Variants in FNDC3A observed in about 807,000 individuals in gnomAD.
FNDC3A encodes fibronectin type-III domain-containing protein 3A.
A neutral mutation model predicts 148.9 loss-of-function variants in FNDC3A; 32 were observed. That is an observed-to-expected ratio of 0.21 (90% CI 0.16 to 0.29). FNDC3A has a LOEUF of 0.29. FNDC3A is among the 10% of genes least tolerant of loss of function. The pLI is 1.00. For missense variants in FNDC3A, 1,191 were observed against 1,452.8 expected (o/e 0.82, Z 2.93); for synonymous variants, 472 against 473.6 (o/e 1.00, Z 0.04).
In FNDC3A at chr13:49,011,200, C is replaced by A. The variant is rs183522109; in HGVS notation, c.99+4911C>A. Among the ~76,000 whole-genome samples the A allele has an allele frequency of 1.6e-3, 244 of 151,742 alleles. 1 individual carries two copies. Among genetic ancestry groups the A allele is most frequent in the African/African-American group, 5.7e-3 (234 of 41,406 alleles). On this transcript the variant is annotated intron_variant, in intron 2 of 25. Transcript: ENST00000492622. ...AGTGTAGTGAATATTCTCTCCTGTT[C>A]CCCTGTTCTGGTTGTCTTTTCACTC...
chr13:49,110,565 T>C (rs1593602696), intron 3 of FNDC3A, among the ~76,000 whole-genome samples: 1 of 152,222 alleles, frequency 6.6e-6, no homozygotes. Context: ...GGTTAGACTA[T>C]GTAGAGTTAT....
At chr13:49,007,898 G>A (rs1281250993) in intron 2 of FNDC3A, among the ~76,000 whole-genome samples, 1 of 151,904 alleles carries the variant, frequency 6.6e-6, no homozygotes, top group Non-Finnish European at 1.5e-5. Context: ...CGTGTAGTTC[G>A]GTAGGGAGAG....
At chr13:49,165,107 A>G (rs1401744487) in intron 8 of FNDC3A, among the ~76,000 whole-genome samples, 2 of 151,858 alleles carry the variant, frequency 1.3e-5, no homozygotes, top group East Asian at 3.9e-4. Context: ...GTTTTTTCTT[A>G]TATTTGAGCT....
At chr13:48,994,280 A>G (rs1951979881) in intron 1 of FNDC3A, among the ~76,000 whole-genome samples, 1 of 152,230 alleles carries the variant, frequency 6.6e-6, no homozygotes, top group African/African-American at 2.4e-5. Flanking sequence ...AGATTAAAAG[A>G]GGTTTTTAAA....
chr13:49,102,745 T>G (rs1879942774), intron 3 of FNDC3A, among the ~76,000 whole-genome samples: 1 of 152,216 alleles, frequency 6.6e-6, no homozygotes, highest in South Asian at 2.1e-4. Context: ...TTGAGGAGAT[T>G]ACAGTTTATA....
chr13:49,169,406 T>C (rs937755329), intron 10 of FNDC3A, among the ~76,000 whole-genome samples: 2 of 152,214 alleles, frequency 1.3e-5, no homozygotes, highest in East Asian at 1.9e-4. Flanking sequence ...AAAAATACTT[T>C]ATAAAATGGG....
intron 5 of FNDC3A, among the ~76,000 whole-genome samples, chr13:49,133,726 A>G (rs528503685): frequency 1.3e-5 from 2 of 152,314 alleles, no homozygotes; most frequent in East Asian, 1.9e-4. Context: ...TTAATTTTCA[A>G]TAAAATTCTG....
intron 6 of FNDC3A, among the ~76,000 whole-genome samples, chr13:49,138,144 C>T (rs1023314785): frequency 6.6e-6 from 1 of 152,112 alleles, no homozygotes; most frequent in Non-Finnish European, 1.5e-5. Context: ...TTAAAATTTC[C>T]ATGCCTCACT....
chr13:49,108,890 CT>C (rs534072191), intron 3 of FNDC3A, among the ~76,000 whole-genome samples: 31 of 152,272 alleles, frequency 2.0e-4, no homozygotes, highest in Non-Finnish European at 4.3e-4. Context: ...AGAATAGGCC[CT>C]TACTGTCTTA....
rs536127930 is a variant in FNDC3A at position 49,207,711 on chromosome 13, G to A, written c.*316G>A. ...AACAATTTAGAATGGATATTTTGACGAATCGGCATGAGTGTAACAGTGATA... is the reference window on the plus strand; with the variant it reads ...AACAATTTAGAATGGATATTTTGACAAATCGGCATGAGTGTAACAGTGATA... On this transcript the variant is annotated 3_prime_UTR_variant, in exon 26 of 26. Transcript: ENST00000492622. 2.9e-5 allele frequency: 7 copies of A among 243,424 alleles called. No homozygotes were observed. Among genetic ancestry groups the A allele is most frequent in the South Asian group, 1.3e-4 (2 of 15,918 alleles). The allele number at this position is 243,424 out of a possible 1,614,324, so 15.1% of individuals were successfully genotyped here.
At chr13:49,117,611 A>G (rs1392172514) in intron 4 of FNDC3A, among the ~76,000 whole-genome samples, 2 of 152,228 alleles carry the variant, frequency 1.3e-5, no homozygotes, top group African/African-American at 4.8e-5. Context: ...TTTGAAAAAA[A>G]AAATTGCATC....
chr13:49,189,486 A>AT lies in FNDC3A; in HGVS notation c.1944+865dup, dbSNP rs910738817. On this transcript the variant is annotated intron_variant, in intron 17 of 25. Coordinates refer to ENST00000492622, the MANE Select transcript of FNDC3A (RefSeq NM_001079673.2). ...ATGAGCCACCGCACCCGGCCAAGTG[A>AT]TTTTTTTTTTTTAAATGAATTAAAC... 8.6e-4 allele frequency among the ~76,000 whole-genome samples: 125 copies of AT among 145,402 alleles called. 2 individuals are homozygous for AT. Among genetic ancestry groups the AT allele is most frequent in the African/African-American group, 2.2e-3 (86 of 39,816 alleles).
intron 2 of FNDC3A, among the ~76,000 whole-genome samples, chr13:49,012,548 A>C (rs1383158142): frequency 6.6e-6 from 1 of 152,096 alleles, no homozygotes; most frequent in Non-Finnish European, 1.5e-5. Flanking sequence ...TAGCTTATCA[A>C]TACACACACA....
intron 2 of FNDC3A, among the ~76,000 whole-genome samples, chr13:49,025,314 TA>T (rs1873622550): frequency 6.6e-6 from 1 of 152,068 alleles, no homozygotes; most frequent in Non-Finnish European, 1.5e-5. Context: ...ATTGACTTGG[TA>T]ATACTTGATA....
chr13:48,981,649 C>T (rs1951696182), intron 1 of FNDC3A, among the ~76,000 whole-genome samples: 1 of 152,112 alleles, frequency 6.6e-6, no homozygotes, highest in Non-Finnish European at 1.5e-5. Flanking sequence ...TCTCATTTTA[C>T]AGATGAACTA....
intron 3 of FNDC3A, among the ~76,000 whole-genome samples, chr13:49,114,417 C>T (rs577204613): frequency 6.6e-6 from 1 of 151,416 alleles, no homozygotes; most frequent in South Asian, 2.1e-4. Flanking sequence ...ACCTCCCCGC[C>T]CCCCACCACC....
At chr13:49,024,946 G>A (rs77390308) in intron 2 of FNDC3A, among the ~76,000 whole-genome samples, 2,841 of 151,874 alleles carry the variant, frequency 0.019, 93 homozygotes, top group African/African-American at 0.063. Flanking sequence ...GCTTCTAAAA[G>A]TGATTAGAAA....
intron 4 of FNDC3A, among the ~76,000 whole-genome samples, chr13:49,124,531 T>C (rs1029967118): frequency 6.6e-6 from 1 of 151,680 alleles, no homozygotes; most frequent in Non-Finnish European, 1.5e-5. Flanking sequence ...AAGCAAACTA[T>C]TTGAAAAGAT....
rs572705662 is a variant in FNDC3A, at chr13:49,126,176, G to A, written c.253-4961G>A. On this transcript the variant is annotated intron_variant, in intron 4 of 25. Transcript: ENST00000492622. ...TTGCCTTCCTCTGAAGTTACTGGCT[G>A]CTTGAGGTAGTGGAGTTCACCGTGC... 2.0e-5 allele frequency among the ~76,000 whole-genome samples: 3 copies of A among 151,642 alleles called. No homozygotes were observed. In the South Asian group the frequency reaches 6.2e-4, roughly 32 times the overall value.
Sources: gnomAD v4.1 joint callset for allele counts (sites outside exome capture counted in the v4.1 genomes callset) on GRCh38, gnomAD v4.1.1 for gene constraint, MANE v1.5 for transcripts, NCBI Gene and HGNC (gene_info 2026-07-23, HGNC 2026-07-21) for gene names.